CTNNA3: variants seen among roughly 807,000 people sequenced by gnomAD.
CTNNA3 encodes catenin alpha-3.
In CTNNA3, 76 loss-of-function variants were observed where a neutral mutation model predicts 95.7. The ratio of observed to expected loss-of-function variants is 0.79; its 90% CI spans 0.66 to 0.96. CTNNA3 has a LOEUF of 0.96. Ranked by LOEUF, CTNNA3 falls within the 40% of genes least tolerant of loss-of-function variation. The pLI is 0.00. For synonymous variants in CTNNA3, 431 were observed against 374.4 expected (o/e 1.15, Z -1.74); for missense variants, 1,191 against 1,089.8 (o/e 1.09, Z -1.31).
chr10:66,581,208 T>A (rs753683061), intron 10 of CTNNA3, among the ~76,000 whole-genome samples: 1 of 132,580 alleles, frequency 7.5e-6, no homozygotes, highest in Middle Eastern at 4.0e-3. Context: ...AATAAACATA[T>A]GCACACAGGC....
chr10:65,983,210 C>T (rs985986264), intron 16 of CTNNA3, among the ~76,000 whole-genome samples: 2 of 151,600 alleles, frequency 1.3e-5, no homozygotes, highest in Non-Finnish European at 3.0e-5. Context: ...GCCTTAATAT[C>T]TTTGCTTTGG....
exon 1 of CTNNA3, among the ~76,000 whole-genome samples, chr10:67,763,477 T>C (rs190330476): frequency 6.6e-6 from 1 of 152,286 alleles, no homozygotes; most frequent in East Asian, 1.9e-4. Context: ...AAAGGTCGAG[T>C]TGCCTTCCTG....
intron 1 of CTNNA3, among the ~76,000 whole-genome samples, chr10:67,663,307 TA>T (rs1008114584): frequency 2.9e-4 from 44 of 151,560 alleles, no homozygotes; most frequent in East Asian, 1.7e-3. Flanking sequence ...TGTACTGCTT[TA>T]AAAAAAAATT....
chr10:67,521,968 T>C lies in CTNNA3; in HGVS notation c.460-7A>G. On this transcript the variant is annotated splice_polypyrimidine_tract_variant and splice_region_variant and intron_variant, in intron 4 of 17. Coordinates refer to ENST00000433211, the MANE Select transcript of CTNNA3 (RefSeq NM_013266.4). ...ACTCAAATGTCCTTTGAAACTGAAA[T>C]TGAAAACAAAAGTAGATCATTAGGA... The C allele has an allele frequency of 6.2e-7, 1 of 1,607,958 alleles. No individual in the cohort carries two copies. Among genetic ancestry groups the C allele is most frequent in the Non-Finnish European group, 8.5e-7 (1 of 1,176,526 alleles).
rs55925717 is a variant in CTNNA3, at chr10:66,682,638, C to CT, written c.1282-60855dup. Among the ~76,000 whole-genome samples the CT allele has an allele frequency of 7.9e-3, 1,121 of 141,700 alleles. 8 individuals are homozygous for CT. Among genetic ancestry groups the CT allele is most frequent in the African/African-American group, 0.026 (1,020 of 38,636 alleles). 93.0% of individuals were successfully genotyped at this position (141,700 alleles called of 152,430 possible). ...TCCTCATTTTCTAGGTGGAGGCTTTCTTTTTTTTTTTTATTTCTGTTTTCT... is the reference window on the plus strand; with the variant it reads ...TCCTCATTTTCTAGGTGGAGGCTTTCTTTTTTTTTTTTTATTTCTGTTTTCT... On this transcript the variant is annotated intron_variant, in intron 9 of 17. Coordinates refer to ENST00000433211, the MANE Select transcript of CTNNA3 (RefSeq NM_013266.4).
chr10:67,680,795 G>C (rs1840612198), intron 1 of CTNNA3, among the ~76,000 whole-genome samples: 1 of 152,166 alleles, frequency 6.6e-6, no homozygotes, highest in Admixed American at 6.5e-5. Context: ...ATTAGTTACA[G>C]ATCTGAGGAA....
chr10:66,465,684 C>T (rs112727345), intron 11 of CTNNA3, among the ~76,000 whole-genome samples: 17 of 152,076 alleles, frequency 1.1e-4, no homozygotes, highest in African/African-American at 4.1e-4. Flanking sequence ...GCTACAAGAC[C>T]CTGGTGACTT....
chr10:67,468,776 G>C (rs1847700274), intron 5 of CTNNA3, among the ~76,000 whole-genome samples: 1 of 152,152 alleles, frequency 6.6e-6, no homozygotes, highest in Non-Finnish European at 1.5e-5. Context: ...TTACCAGGTA[G>C]ATGAAAGCTG....
intron 1 of CTNNA3, among the ~76,000 whole-genome samples, chr10:67,760,036 G>A (rs1419145643): frequency 1.3e-5 from 2 of 152,124 alleles, no homozygotes. Flanking sequence ...CTAAGTTTAT[G>A]GTTCTTTCTT....
At chr10:67,132,471 G>T (rs182647986) in intron 7 of CTNNA3, among the ~76,000 whole-genome samples, 310 of 152,152 alleles carry the variant, frequency 2.0e-3, no homozygotes, top group African/African-American at 7.0e-3. Flanking sequence ...GGATTAAAAA[G>T]TATATGTAGA....
chr10:67,756,423 T>C (rs1841433585), intron 1 of CTNNA3, among the ~76,000 whole-genome samples: 1 of 152,216 alleles, frequency 6.6e-6, no homozygotes, highest in African/African-American at 2.4e-5. Context: ...TAAATTATCA[T>C]ATGTACCTCA....
At chr10:67,099,871 T>C (rs1858239102) in intron 7 of CTNNA3, 2 of 151,770 alleles carry the variant, frequency 1.3e-5, no homozygotes, top group African/African-American at 2.4e-5. Flanking sequence ...ATTCTCTACA[T>C]TGAAATTTGG....
intron 11 of CTNNA3, among the ~76,000 whole-genome samples, chr10:66,401,579 T>G (rs536609759): frequency 6.7e-6 from 1 of 149,646 alleles, no homozygotes; most frequent in Non-Finnish European, 1.5e-5. Flanking sequence ...AGCTGGCATT[T>G]AGTAGGCATG....
At chr10:67,678,865 C>A (rs1440141163) in intron 1 of CTNNA3, among the ~76,000 whole-genome samples, 1 of 151,962 alleles carries the variant, frequency 6.6e-6, no homozygotes, top group African/African-American at 2.4e-5. Context: ...CTAGGATGAG[C>A]AAAGACTTAA....
chr10:66,368,812 C>G (rs1202744288), intron 12 of CTNNA3, among the ~76,000 whole-genome samples: 1 of 152,074 alleles, frequency 6.6e-6, no homozygotes, highest in South Asian at 2.1e-4. Context: ...AACATCCATA[C>G]TTTAATTCCT....
chr10:67,365,655 G>A (rs1315487106), intron 5 of CTNNA3, among the ~76,000 whole-genome samples: 1 of 152,192 alleles, frequency 6.6e-6, no homozygotes, highest in East Asian at 1.9e-4. Flanking sequence ...TCAGAGAAAT[G>A]CAAATCAAAA....
At chr10:66,888,205 T>C (rs1180985092) in intron 7 of CTNNA3, among the ~76,000 whole-genome samples, 1 of 152,062 alleles carries the variant, frequency 6.6e-6, no homozygotes, top group Non-Finnish European at 1.5e-5. Flanking sequence ...AAGGACTAGA[T>C]AAAGGCCTCA....
intron 5 of CTNNA3, among the ~76,000 whole-genome samples, chr10:67,311,127 T>A (rs2132525468): frequency 6.6e-6 from 1 of 152,284 alleles, no homozygotes; most frequent in Middle Eastern, 3.4e-3. Context: ...CTATTGAAAT[T>A]TGGAGGTGAA....
chr10:66,795,129 C>T (rs1426475870), intron 7 of CTNNA3, among the ~76,000 whole-genome samples: 1 of 152,140 alleles, frequency 6.6e-6, no homozygotes, highest in African/African-American at 2.4e-5. Flanking sequence ...TCTCATGAAT[C>T]ATGAATGTTC....
Sources: gnomAD v4.1 joint callset for allele counts (sites outside exome capture counted in the v4.1 genomes callset) on GRCh38, gnomAD v4.1.1 for gene constraint, MANE v1.5 for transcripts, NCBI Gene and HGNC (gene_info 2026-07-23, HGNC 2026-07-21) for gene names.